The following WDR17 variants were observed in gnomAD, a reference collection of about 807,000 sequenced individuals.
The protein encoded by WDR17 is WD repeat domain 17.
A neutral mutation model predicts 161.7 loss-of-function variants in WDR17; 143 were observed. That is an observed-to-expected ratio of 0.88 (90% CI 0.77 to 1.02). The LOEUF (loss-of-function observed/expected upper bound fraction) is 1.02, where lower values mean the gene tolerates loss of function less well. Among genes scored for constraint, WDR17 ranks in the 50% least tolerant of loss-of-function variants. The pLI, the probability that WDR17 is intolerant of heterozygous loss-of-function variation, is 0.00. For missense variants in WDR17, 1,469 were observed against 1,520.9 expected (o/e 0.97, Z 0.57); for synonymous variants, 517 against 515.6 (o/e 1.00, Z -0.04).
chr4:176,133,144 A>G (rs1431730984), intron 7 of WDR17, among the ~76,000 whole-genome samples: 2 of 149,716 alleles, frequency 1.3e-5, no homozygotes, highest in Admixed American at 6.7e-5. Flanking sequence ...CAAGTGCCAT[A>G]TATACCATTC....
At chr4:176,125,419 AAATTGTCCTTTATAG>A (rs1324101164) in intron 5 of WDR17, 64 bp downstream of exon 5, 2 of 1,554,642 alleles carry the variant, frequency 1.3e-6, no homozygotes, top group Non-Finnish European at 8.7e-7. Context: ...TGAATTTAGG[AAATTGTCCTTTATAG>A]GTTGATTTTG....
At chr4:176,118,250 A>G (rs1740951605) in intron 3 of WDR17, among the ~76,000 whole-genome samples, 2 of 152,170 alleles carry the variant, frequency 1.3e-5, no homozygotes, top group South Asian at 4.1e-4. Context: ...ATTATATGAC[A>G]CTGTTTCTGG....
rs565381320 is a variant in WDR17 at position 176,106,936 on chromosome 4, T to C, written c.-6-4639T>C. On this transcript the variant is annotated intron_variant, in intron 1 of 28. Coordinates refer to ENST00000508596, the MANE Select transcript of WDR17 (RefSeq NM_181265.4). ...ACTACACTCCGGAAGGAAACCTGTC[T>C]GTAGAAAAAGAAAAAGAGGAAGAAG... Among the ~76,000 whole-genome samples, 313 of 152,070 alleles carry C rather than the reference T, an allele frequency of 2.1e-3. 1 individual carries two copies. The highest frequency in any genetic ancestry group is 7.1e-3 in the African/African-American group (294 of 41,496).
At chr4:176,106,663 A>G (rs7665251) in intron 1 of WDR17, among the ~76,000 whole-genome samples, 28,940 of 152,240 alleles carry the variant, frequency 0.19, 3,034 homozygotes, top group South Asian at 0.27. Context: ...GCATCAAAAG[A>G]AAAACACTGG....
chr4:176,108,069 CT>C (rs1739083107), intron 1 of WDR17, among the ~76,000 whole-genome samples: 2 of 151,828 alleles, frequency 1.3e-5, no homozygotes, highest in Admixed American at 6.6e-5. Context: ...GACAGGGTCT[CT>C]TTCTATCACC....
At chr4:176,102,733 C>T (rs1396265785) in intron 1 of WDR17, among the ~76,000 whole-genome samples, 1 of 152,152 alleles carries the variant, frequency 6.6e-6, no homozygotes, top group African/African-American at 2.4e-5. Flanking sequence ...AACAATTGCA[C>T]TGGTACAGTC....
rs1008070309 is a variant in WDR17 at position 176,142,022 on chromosome 4, T to C, written c.1482T>C (p.Tyr494=). The change falls in exon 11 of 29, where the codon TAT becomes TAC. Residue 494 remains tyrosine, a synonymous_variant. Transcript: ENST00000508596. ...RTIDGKVLHK[Y]KHPAAVFGCD... is the part of the protein sequence containing the mutation. ...TTGATGGTAAAGTGCTACACAAATATAAACATCCAGCTGCAGTGTTTGGTT... is the reference window on the plus strand; with the variant it reads ...TTGATGGTAAAGTGCTACACAAATACAAACATCCAGCTGCAGTGTTTGGTT... 2 of 1,610,226 alleles carry C rather than the reference T, an allele frequency of 1.2e-6. No individual in the cohort carries two copies. Among genetic ancestry groups the C allele is most frequent in the African/African-American group, 1.3e-5 (1 of 74,880 alleles).
intron 11 of WDR17, among the ~76,000 whole-genome samples, chr4:176,145,690 G>C (rs922834921): frequency 2.0e-5 from 3 of 152,148 alleles, no homozygotes; most frequent in Non-Finnish European, 4.4e-5. Flanking sequence ...AGAAAATTAT[G>C]AGTCTGGTCA....
At chr4:176,160,471 G>A (rs558881941) in intron 19 of WDR17, among the ~76,000 whole-genome samples, 38 of 151,966 alleles carry the variant, frequency 2.5e-4, no homozygotes, top group Non-Finnish European at 4.6e-4. Flanking sequence ...ACAGGCACCC[G>A]CCACCATGCC....
chr4:176,081,042 A>G (rs1268786078), intron 1 of WDR17, among the ~76,000 whole-genome samples: 2 of 152,096 alleles, frequency 1.3e-5, no homozygotes, highest in African/African-American at 2.4e-5. Context: ...TCAGTCAGGC[A>G]GAAGTCTACA....
In WDR17 at chr4:176,168,707, A is replaced by G; in HGVS notation, c.3026A>G (p.Asp1009Gly). The change falls in exon 23 of 29, where the codon GAT (aspartate) becomes GGT (glycine). Residue 1009 changes from aspartate to glycine, a missense_variant. Physicochemically the swap from Asp to Gly is moderately conservative, Grantham distance 94 (BLOSUM62 -1). Transcript: ENST00000508596. ...GCTGATCTTCTTCTGATGATTCCTG[A>G]TAATGAACTACATTTAATAAAACTC... ...LAADLLLMIPDNELHLIKLCA... is the reference protein window; with the variant it reads ...LAADLLLMIPGNELHLIKLCA... The G allele has an allele frequency of 1.9e-6, 3 of 1,613,650 alleles. No homozygotes were observed. The highest frequency in any genetic ancestry group is 2.5e-6 in the Non-Finnish European group (3 of 1,179,768).
intron 23 of WDR17, 162 bp from the exon 24 acceptor site, chr4:176,172,213 C>A: frequency 1.6e-6 from 1 of 636,890 alleles, no homozygotes; most frequent in Non-Finnish European, 2.6e-6. Flanking sequence ...AAGGTATTTC[C>A]ATAAATATAT....
chr4:176,088,811 T>C (rs970055309), intron 1 of WDR17, among the ~76,000 whole-genome samples: 1 of 152,150 alleles, frequency 6.6e-6, no homozygotes, highest in African/African-American at 2.4e-5. Context: ...ATGGGGATTA[T>C]TTATTTTTTG....
intron 1 of WDR17, among the ~76,000 whole-genome samples, chr4:176,087,648 A>G (rs894621388): frequency 1.3e-5 from 2 of 151,922 alleles, no homozygotes; most frequent in African/African-American, 4.8e-5. Context: ...AGCATACCTT[A>G]TCTGTCTCTT....
chr4:176,159,633 A>G (rs968169628), intron 18 of WDR17, among the ~76,000 whole-genome samples: 4 of 152,206 alleles, frequency 2.6e-5, no homozygotes, highest in African/African-American at 9.6e-5. Context: ...AACAATGTAG[A>G]TACCCACATA....
chr4:176,120,288 T>TTATATATATATATATATATATATATA (rs33940735), intron 4 of WDR17, among the ~76,000 whole-genome samples, 191 bp downstream of exon 4: 8 of 136,510 alleles, frequency 5.9e-5, no homozygotes, highest in African/African-American at 1.9e-4. Flanking sequence ...ATTTGAAGTT[T>TTATATATATATATATATATATATATA]TATATATATA....
chr4:176,127,651 A>G (rs1483096390), intron 5 of WDR17, among the ~76,000 whole-genome samples: 3 of 152,172 alleles, frequency 2.0e-5, no homozygotes, highest in Admixed American at 6.5e-5. Context: ...TATGCTTCAC[A>G]TATAAAATTC....
chr4:176,114,819 C>T (rs1174792503), intron 2 of WDR17, among the ~76,000 whole-genome samples: 1 of 151,438 alleles, frequency 6.6e-6, no homozygotes, highest in African/African-American at 2.4e-5. Context: ...AAACTCAGAC[C>T]TCAGTAGGAG....
At chr4:176,129,103 TC>T (rs1214294598) in intron 6 of WDR17, among the ~76,000 whole-genome samples, 1 of 152,112 alleles carries the variant, frequency 6.6e-6, no homozygotes, top group Non-Finnish European at 1.5e-5. Context: ...TTAGATAATT[TC>T]AGATTATCTA....
Sources: allele counts gnomAD v4.1 joint callset (sites outside exome capture counted in the v4.1 genomes callset), GRCh38; gene constraint gnomAD v4.1.1; transcripts MANE v1.5; gene names NCBI Gene and HGNC (gene_info 2026-07-23, HGNC 2026-07-21).